PAPPA2: variants seen among roughly 807,000 people sequenced by gnomAD.
PAPPA2 encodes pappalysin-2.
Under a neutral mutation model 176.4 loss-of-function variants are expected in PAPPA2, and 86 were observed. The observed-to-expected ratio is 0.49, with a 90% CI of 0.41 to 0.58. The LOEUF is 0.58. PAPPA2 is among the 20% of genes least tolerant of loss of function. The probability of loss-of-function intolerance (pLI) is 0.00; values close to 1 mark genes in which losing one functional copy is unlikely to be tolerated. For missense variants in PAPPA2, 2,073 were observed against 2,256.9 expected, an observed-to-expected ratio of 0.92 and a Z score of 1.65; for synonymous variants, 809 against 852.2, an observed-to-expected ratio of 0.95 and a Z score of 0.88.
chr1:176,535,650 G>C (rs145628368), intron 1 of PAPPA2, among the ~76,000 whole-genome samples: 1 of 152,248 alleles, frequency 6.6e-6, no homozygotes, highest in African/African-American at 2.4e-5. Context: ...AGTATCTATA[G>C]CAGCTATGAG....
At chr1:176,553,480 G>A (rs1207686935) in intron 1 of PAPPA2, 1 of 152,056 alleles carries the variant, frequency 6.6e-6, no homozygotes, top group African/African-American at 2.4e-5. Flanking sequence ...CACAGAAATG[G>A]TTCAACATTT....
At chr1:176,656,120 C>T (rs1214112583) in intron 3 of PAPPA2, among the ~76,000 whole-genome samples, 2 of 151,728 alleles carry the variant, frequency 1.3e-5, no homozygotes, top group Non-Finnish European at 2.9e-5. Flanking sequence ...TCCCTGAGCA[C>T]AGGTCCCAGC....
At chr1:176,818,892 G>C (rs959200249) in intron 21 of PAPPA2, among the ~76,000 whole-genome samples, 1 of 152,134 alleles carries the variant, frequency 6.6e-6, no homozygotes, top group Non-Finnish European at 1.5e-5. Flanking sequence ...TCACTCTCTT[G>C]TTCTCTGCCC....
chr1:176,841,225 A>G (rs973567921), intron 22 of PAPPA2, among the ~76,000 whole-genome samples: 1 of 152,200 alleles, frequency 6.6e-6, no homozygotes, highest in Non-Finnish European at 1.5e-5. Flanking sequence ...ATCTCTGTGT[A>G]GGAAGACAAG....
intron 1 of PAPPA2, among the ~76,000 whole-genome samples, chr1:176,495,940 G>A (rs979815665): frequency 6.6e-6 from 1 of 152,002 alleles, no homozygotes; most frequent in Admixed American, 6.6e-5. Context: ...GCTCTGCAGT[G>A]AATTTGTAGG....
intron 3 of PAPPA2, 87 bp downstream of exon 3, chr1:176,595,682 C>T: frequency 4.8e-6 from 6 of 1,259,298 alleles, no homozygotes; most frequent in Non-Finnish European, 6.5e-6. Context: ...CAAATGTGTT[C>T]ACACACTCCC....
intron 20 of PAPPA2, among the ~76,000 whole-genome samples, chr1:176,796,709 T>G (rs1665455493): frequency 6.6e-6 from 1 of 151,426 alleles, no homozygotes; most frequent in Admixed American, 6.6e-5. Flanking sequence ...TCTTTCTTTC[T>G]TTTTCTTTCT....
intron 20 of PAPPA2, among the ~76,000 whole-genome samples, chr1:176,794,890 C>G (rs554010631): frequency 4.6e-5 from 7 of 152,262 alleles, no homozygotes; most frequent in Non-Finnish European, 8.8e-5. Context: ...GGATCTAGAC[C>G]CTTCTGGTGG....
Position 176,769,716 on chromosome 1 carries a change from C to A in PAPPA2, c.4433C>A (p.Ser1478Tyr), listed in dbSNP as rs777274521. ...TCTTTGGTGAACTATGCAAACTTCT[C>A]CTGCTCAGAGGGAACCAAATTTCTG... ...DPSLVNYANF[S>Y]CSEGTKFLKR... Residue 1478 changes from serine (S) to tyrosine (Y), a missense_variant, in exon 16 of 23, where the codon TCC becomes TAC. Coordinates refer to ENST00000367662, the MANE Select transcript of PAPPA2 (RefSeq NM_020318.3). 1 of 1,613,834 alleles carries A rather than the reference C, an allele frequency of 6.2e-7. No individual in the cohort carries two copies. Among genetic ancestry groups the A allele is most frequent in the African/African-American group, 1.3e-5 (1 of 74,998 alleles).
At position 176,595,296 on chromosome 1, in the gene PAPPA2, C is replaced by T; in HGVS notation, c.1692C>T (p.Ser564=). Residue 564 remains serine, a synonymous_variant, in exon 3 of 23, where the codon AGC becomes AGT. Transcript: ENST00000367662. ...LNEAFSRYNI[S]WQLSVHQVHN... ...AGGCCTTCAGCCGCTACAACATCAG[C>T]TGGCAGCTGAGCGTCCACCAGGTCC... is the stretch of plus-strand genomic sequence containing the variant. 6.2e-7 allele frequency: 1 copy of T among 1,614,228 alleles called. No individual in the cohort carries two copies. Among genetic ancestry groups the T allele is most frequent in the South Asian group, 1.1e-5 (1 of 91,086 alleles).
chr1:176,497,863 A>T (rs188641075), intron 1 of PAPPA2, among the ~76,000 whole-genome samples: 1 of 152,156 alleles, frequency 6.6e-6, no homozygotes, highest in South Asian at 2.1e-4. Flanking sequence ...TCTGAATCCT[A>T]TAGGCAATTA....
At chr1:176,815,606 G>A (rs1666341649) in intron 21 of PAPPA2, among the ~76,000 whole-genome samples, 1 of 152,142 alleles carries the variant, frequency 6.6e-6, no homozygotes, top group South Asian at 2.1e-4. Flanking sequence ...TTTTGCCAAG[G>A]TTAAGGATGC....
intron 20 of PAPPA2, among the ~76,000 whole-genome samples, chr1:176,795,526 A>G (rs1665390003): frequency 6.6e-6 from 1 of 152,216 alleles, no homozygotes; most frequent in African/African-American, 2.4e-5. Context: ...GGAAAAATTA[A>G]TGTTTTGCAA....
At chr1:176,755,946 A>C (rs566819639) in intron 14 of PAPPA2, among the ~76,000 whole-genome samples, 7 of 152,180 alleles carry the variant, frequency 4.6e-5, no homozygotes, top group South Asian at 2.1e-4. Context: ...TGAGGAAGAC[A>C]AAATATATTT....
chr1:176,582,943 T>G (rs919250610), intron 2 of PAPPA2, among the ~76,000 whole-genome samples: 7 of 152,226 alleles, frequency 4.6e-5, no homozygotes, highest in African/African-American at 1.7e-4. Context: ...GTTATTGATC[T>G]GTTCAAGTTT....
At chr1:176,557,281 A>G in intron 2 of PAPPA2, 40 bp downstream of exon 2, 1 of 1,520,590 alleles carries the variant, frequency 6.6e-7, no homozygotes, top group Non-Finnish European at 8.8e-7. Flanking sequence ...TCCTGAGGGT[A>G]TGGCTGGCTT....
intron 1 of PAPPA2, among the ~76,000 whole-genome samples, chr1:176,492,241 G>A (rs913127853): frequency 3.3e-5 from 5 of 152,170 alleles, no homozygotes; most frequent in African/African-American, 7.2e-5. Context: ...AGACACGGTC[G>A]TTCTCCTTCT....
chr1:176,739,865 T>A, intron 13 of PAPPA2, 104 bp downstream of exon 13: 4 of 1,566,750 alleles, frequency 2.6e-6, no homozygotes, highest in Non-Finnish European at 3.5e-6. Flanking sequence ...CTTGCCTACA[T>A]CATACATCTA....
In PAPPA2 at chr1:176,816,253, A is replaced by ATATATG. The variant is rs1553209488; in HGVS notation, c.5202+16124_5202+16125insATGTAT. On this transcript the variant is annotated intron_variant, in intron 21 of 22. Coordinates refer to ENST00000367662, the MANE Select transcript of PAPPA2 (RefSeq NM_020318.3). Reference sequence around the variant, plus strand: ...TGTGTGTGTGTGTGTATATATATATATATGTATGTATGTACACACGTATAT... The same window carrying ATATATG: ...TGTGTGTGTGTGTGTATATATATATATATATGTATGTATGTATGTACACACGTATAT... 4.9e-3 allele frequency among the ~76,000 whole-genome samples: 671 copies of ATATATG among 138,126 alleles called. 11 individuals are homozygous for ATATATG. Among genetic ancestry groups the ATATATG allele is most frequent in the African/African-American group, 0.014 (489 of 35,246 alleles). The allele number at this position is 138,126 out of a possible 152,430, so 90.6% of individuals were successfully genotyped here.
Sources: gnomAD v4.1 joint callset for allele counts (sites outside exome capture counted in the v4.1 genomes callset) on GRCh38, gnomAD v4.1.1 for gene constraint, MANE v1.5 for transcripts, NCBI Gene and HGNC (gene_info 2026-07-23, HGNC 2026-07-21) for gene names.